GRIN2A: variants seen among roughly 807,000 people sequenced by gnomAD.
GRIN2A encodes the protein glutamate receptor ionotropic, NMDA 2A.
GRIN2A carries 22 observed loss-of-function variants against 113.4 expected under a neutral mutation model. The ratio of observed to expected loss-of-function variants is 0.19; its 90% CI spans 0.14 to 0.28. The LOEUF is 0.28. Ranked by LOEUF, GRIN2A falls within the 10% of genes least tolerant of loss-of-function variation. The pLI is 1.00. For synonymous variants in GRIN2A, 827 were observed against 738.4 expected, an observed-to-expected ratio of 1.12 and a Z score of -1.94; for missense variants, 1,502 against 1,887.0, an observed-to-expected ratio of 0.80 and a Z score of 3.78.
intron 2 of GRIN2A, among the ~76,000 whole-genome samples, chr16:10,167,679 C>T (rs558851338): frequency 6.6e-6 from 1 of 152,300 alleles, no homozygotes; most frequent in Admixed American, 6.5e-5. Flanking sequence ...TCTGAATGCT[C>T]TATTGTATTA....
At chr16:9,834,287 C>A in intron 7 of GRIN2A, 57 bp from the exon 8 acceptor site, 1 of 1,567,662 alleles carries the variant, frequency 6.4e-7, no homozygotes, top group East Asian at 2.2e-5. Context: ...TCCTCACTTC[C>A]AGCAGGAAGC....
At chr16:9,971,903 T>C (rs1447875102) in intron 2 of GRIN2A, among the ~76,000 whole-genome samples, 2 of 152,190 alleles carry the variant, frequency 1.3e-5, no homozygotes, top group African/African-American at 2.4e-5. Flanking sequence ...GGGCTCATCA[T>C]AGAGTTCTAC....
chr16:9,806,775 G>A (rs1040517386), intron 10 of GRIN2A, among the ~76,000 whole-genome samples: 1 of 151,970 alleles, frequency 6.6e-6, no homozygotes, highest in Non-Finnish European at 1.5e-5. Flanking sequence ...AAAAAGGGGG[G>A]AAAGAAAGAG....
At chr16:10,077,369 T>C (rs1239426886) in intron 2 of GRIN2A, among the ~76,000 whole-genome samples, 1 of 152,220 alleles carries the variant, frequency 6.6e-6, no homozygotes, top group East Asian at 1.9e-4. Context: ...CCTGACTTCG[T>C]TGCTGAGGCC....
At chr16:10,140,288 T>G (rs2049298653) in intron 2 of GRIN2A, among the ~76,000 whole-genome samples, 1 of 152,064 alleles carries the variant, frequency 6.6e-6, no homozygotes, top group Admixed American at 6.5e-5. Flanking sequence ...CAGTATACCA[T>G]GACGATAAAA....
chr16:10,107,773 C>G (rs2048526904), intron 2 of GRIN2A, among the ~76,000 whole-genome samples: 2 of 152,222 alleles, frequency 1.3e-5, no homozygotes, highest in East Asian at 3.8e-4. Context: ...CTTCAGGACA[C>G]TCAACTCACA....
intron 3 of GRIN2A, among the ~76,000 whole-genome samples, chr16:9,905,451 G>GATA (rs889968301): frequency 4.9e-4 from 74 of 152,308 alleles, no homozygotes; most frequent in African/African-American, 1.6e-3. Flanking sequence ...GGTGCAAGAT[G>GATA]ATAACAGTGG....
intron 2 of GRIN2A, among the ~76,000 whole-genome samples, chr16:10,087,965 C>A (rs780805977): frequency 6.7e-6 from 1 of 149,498 alleles, no homozygotes; most frequent in Non-Finnish European, 1.5e-5. Flanking sequence ...GCTAGGATTA[C>A]AGGTGTGAGC....
intron 2 of GRIN2A, among the ~76,000 whole-genome samples, chr16:10,116,039 A>G (rs2048723064): frequency 1.3e-5 from 2 of 152,226 alleles, no homozygotes; most frequent in Admixed American, 1.3e-4. Flanking sequence ...TTTTAGCACT[A>G]TCCACAATAG....
At chr16:10,112,017 GATCGCCATGAGCTA>G (rs2142149110) in intron 2 of GRIN2A, 1 of 648,658 alleles carries the variant, frequency 1.5e-6, no homozygotes, top group East Asian at 2.8e-5. Context: ...TGTGGTCAAT[GATCGCCATGAGCTA>G]GTGGCCATCG....
intron 11 of GRIN2A, among the ~76,000 whole-genome samples, chr16:9,769,922 T>C (rs1329795576): frequency 6.6e-6 from 1 of 152,168 alleles, no homozygotes; most frequent in Non-Finnish European, 1.5e-5. Context: ...GCACAAAACT[T>C]TAATTGAAAA....
At chr16:10,076,457 C>A (rs978042599) in intron 2 of GRIN2A, among the ~76,000 whole-genome samples, 3 of 152,142 alleles carry the variant, frequency 2.0e-5, no homozygotes, top group Non-Finnish European at 4.4e-5. Flanking sequence ...TTAGGGTCTG[C>A]CATGAACTCT....
At chr16:10,112,769 C>G (rs528253788) in intron 2 of GRIN2A, 1 of 710,154 alleles carries the variant, frequency 1.4e-6, no homozygotes, top group East Asian at 2.8e-5. Flanking sequence ...TAGCGAGTAA[C>G]CAGCATGGCT....
chr16:10,004,365 G>T (rs1178614074), intron 2 of GRIN2A, among the ~76,000 whole-genome samples: 2 of 151,902 alleles, frequency 1.3e-5, no homozygotes, highest in Non-Finnish European at 2.9e-5. Flanking sequence ...CTCCAGCCTG[G>T]GTGACAGAGC....
intron 2 of GRIN2A, among the ~76,000 whole-genome samples, chr16:10,040,874 G>A (rs80186011): frequency 3.3e-5 from 5 of 152,340 alleles, no homozygotes; most frequent in South Asian, 2.1e-4. Context: ...CCGATGAGCC[G>A]TCGTATCTAT....
intron 2 of GRIN2A, among the ~76,000 whole-genome samples, chr16:10,125,078 G>T (rs1341131441): frequency 1.3e-5 from 2 of 152,164 alleles, no homozygotes; most frequent in African/African-American, 4.8e-5. Flanking sequence ...CATAGGCCAT[G>T]GTGAGGATGT....
chr16:10,145,008 A>C (rs1185999855), intron 2 of GRIN2A, among the ~76,000 whole-genome samples: 1 of 151,980 alleles, frequency 6.6e-6, no homozygotes, highest in Non-Finnish European at 1.5e-5. Context: ...CTAAAAAAAA[A>C]AAGAAAAAAA....
At chr16:9,836,538 A>C (rs1457885152) in intron 7 of GRIN2A, among the ~76,000 whole-genome samples, 2 of 152,214 alleles carry the variant, frequency 1.3e-5, no homozygotes, top group Non-Finnish European at 2.9e-5. Flanking sequence ...ATCAAGTGGA[A>C]ACTGATGAAG....
intron 2 of GRIN2A, among the ~76,000 whole-genome samples, chr16:10,130,409 TG>T (rs953976858): frequency 5.3e-5 from 8 of 152,338 alleles, no homozygotes; most frequent in African/African-American, 1.9e-4. Context: ...AGCAGATCTT[TG>T]GGCTCAAAAG....
Sources: allele counts gnomAD v4.1 joint callset (sites outside exome capture counted in the v4.1 genomes callset), GRCh38; gene constraint gnomAD v4.1.1; transcripts MANE v1.5; gene names NCBI Gene and HGNC (gene_info 2026-07-23, HGNC 2026-07-21).